Variants in CAMK2D observed in about 807,000 individuals in gnomAD.
CAMK2D encodes calcium/calmodulin dependent protein kinase II delta, also known as calcium/calmodulin-dependent protein kinase type II subunit delta.
In CAMK2D, 37 loss-of-function variants were observed where a neutral mutation model predicts 84.0. The observed-to-expected ratio is 0.44, with a 90% confidence interval of 0.34 to 0.58. The LOEUF (loss-of-function observed/expected upper bound fraction) is 0.58, where lower values mean the gene tolerates loss of function less well. Among genes scored for constraint, CAMK2D ranks in the 20% least tolerant of loss-of-function variants. CAMK2D has a pLI of 0.02. For missense variants in CAMK2D, 448 were observed against 652.5 expected (o/e 0.69, Z 3.41); for synonymous variants, 202 against 212.5 (o/e 0.95, Z 0.43).
chr4:113,563,514 G>T (rs1296221807), intron 4 of CAMK2D, among the ~76,000 whole-genome samples: 2 of 152,164 alleles, frequency 1.3e-5, no homozygotes, highest in African/African-American at 4.8e-5. Context: ...GGAAGGGCGT[G>T]TTGCCAAGGT....
At chr4:113,599,006 T>G (rs2098939983) in intron 4 of CAMK2D, among the ~76,000 whole-genome samples, 1 of 152,150 alleles carries the variant, frequency 6.6e-6, no homozygotes. Flanking sequence ...ATGAAAAACC[T>G]GAAGAGATAC....
chr4:113,646,252 G>A (rs966471569), intron 3 of CAMK2D, among the ~76,000 whole-genome samples: 1 of 152,166 alleles, frequency 6.6e-6, no homozygotes, highest in African/African-American at 2.4e-5. Flanking sequence ...AAAAATATAT[G>A]TACCCACACG....
chr4:113,622,148 A>T (rs1484725792), intron 3 of CAMK2D, among the ~76,000 whole-genome samples: 1 of 152,188 alleles, frequency 6.6e-6, no homozygotes, highest in East Asian at 1.9e-4. Flanking sequence ...CCTCAAATCC[A>T]TTACCAACAA....
chr4:113,474,464 A>G (rs2097580422), intron 16 of CAMK2D, among the ~76,000 whole-genome samples: 1 of 150,864 alleles, frequency 6.6e-6, no homozygotes, highest in Non-Finnish European at 1.5e-5. Flanking sequence ...AATTAGTCAT[A>G]AAGTTTTAAA....
At chr4:113,501,030 C>T (rs1489993399) in intron 15 of CAMK2D, among the ~76,000 whole-genome samples, 1 of 151,940 alleles carries the variant, frequency 6.6e-6, no homozygotes, top group Non-Finnish European at 1.5e-5. Flanking sequence ...AATGAAGAAG[C>T]TAAGGGGGTT....
At chr4:113,567,003 A>G (rs143204099) in intron 4 of CAMK2D, among the ~76,000 whole-genome samples, 3 of 152,216 alleles carry the variant, frequency 2.0e-5, no homozygotes, top group Non-Finnish European at 4.4e-5. Flanking sequence ...ATATGCATAT[A>G]GCAGGCATGC....
chr4:113,726,140 C>T (rs2099545024), intron 2 of CAMK2D, among the ~76,000 whole-genome samples: 1 of 152,166 alleles, frequency 6.6e-6, no homozygotes, highest in East Asian at 1.9e-4. Context: ...ATTTCCTGCT[C>T]TAATCCTTGC....
chr4:113,552,187 T>C, intron 4 of CAMK2D, 91 bp from the exon 5 acceptor site: 2 of 672,050 alleles, frequency 3.0e-6, no homozygotes, highest in Non-Finnish European at 2.6e-6. Context: ...TAGCTGTTTT[T>C]CTTAGATGAT....
chr4:113,725,524 T>C (rs1028384038), intron 2 of CAMK2D, among the ~76,000 whole-genome samples: 2 of 152,126 alleles, frequency 1.3e-5, no homozygotes, highest in African/African-American at 2.4e-5. Flanking sequence ...AAGCCACTAA[T>C]GTAAGGTAAA....
At chr4:113,640,564 A>G (rs2099128586) in intron 3 of CAMK2D, among the ~76,000 whole-genome samples, 1 of 152,168 alleles carries the variant, frequency 6.6e-6, no homozygotes, top group Admixed American at 6.5e-5. Context: ...TCAGTATTGT[A>G]ATGGGGAAGG....
chr4:113,509,552 C>CAAAG (rs1277425245), intron 13 of CAMK2D, 86 bp downstream of exon 13: 1 of 865,148 alleles, frequency 1.2e-6, no homozygotes, highest in East Asian at 2.5e-5. Context: ...ATAGAACTTG[C>CAAAG]AAAGACTTAG....
chr4:113,586,135 A>G (rs2098833157), intron 4 of CAMK2D, among the ~76,000 whole-genome samples: 1 of 152,156 alleles, frequency 6.6e-6, no homozygotes, highest in Non-Finnish European at 1.5e-5. Context: ...ACCTGTTTCC[A>G]GCTCCACAAG....
At chr4:113,737,543 A>C (rs1448933720) in intron 2 of CAMK2D, among the ~76,000 whole-genome samples, 3 of 152,150 alleles carry the variant, frequency 2.0e-5, no homozygotes, top group African/African-American at 7.2e-5. Flanking sequence ...AAGACAAAAA[A>C]CTTCTGGAGA....
At chr4:113,682,112 T>C (rs2099347698) in intron 2 of CAMK2D, among the ~76,000 whole-genome samples, 1 of 152,184 alleles carries the variant, frequency 6.6e-6, no homozygotes, top group Admixed American at 6.5e-5. Flanking sequence ...ATGATAATGC[T>C]GTACAGGTAA....
At chr4:113,591,406 A>G (rs1440049470) in intron 4 of CAMK2D, among the ~76,000 whole-genome samples, 2 of 152,184 alleles carry the variant, frequency 1.3e-5, no homozygotes, top group East Asian at 3.8e-4. Flanking sequence ...ATTAATCATC[A>G]TATCTATTAC....
chr4:113,496,310 T>G (rs2097929885), intron 16 of CAMK2D, among the ~76,000 whole-genome samples: 1 of 152,172 alleles, frequency 6.6e-6, no homozygotes, highest in African/African-American at 2.4e-5. Context: ...TTTCAACAAT[T>G]TTTGGCCTAA....
chr4:113,459,896 A>T (rs528372493), intron 18 of CAMK2D, among the ~76,000 whole-genome samples: 2 of 152,250 alleles, frequency 1.3e-5, no homozygotes, highest in Non-Finnish European at 2.9e-5. Context: ...AAGCACTGGG[A>T]TTACAGGCAT....
chr4:113,564,958 A>G (rs1198120120), intron 4 of CAMK2D, among the ~76,000 whole-genome samples: 1 of 152,232 alleles, frequency 6.6e-6, no homozygotes, highest in Non-Finnish European at 1.5e-5. Flanking sequence ...TGTGATACAT[A>G]AAGGATATCA....
chr4:113,579,786 G>A (rs903357148), intron 4 of CAMK2D, among the ~76,000 whole-genome samples: 1 of 152,156 alleles, frequency 6.6e-6, no homozygotes, highest in African/African-American at 2.4e-5. Flanking sequence ...GACTAACCCA[G>A]CATGCTTGAA....
Sources: allele counts gnomAD v4.1 joint callset (sites outside exome capture counted in the v4.1 genomes callset), GRCh38; gene constraint gnomAD v4.1.1; transcripts MANE v1.5; gene names NCBI Gene and HGNC (gene_info 2026-07-23, HGNC 2026-07-21).